The following CPM variants were observed in gnomAD, a reference collection of about 807,000 sequenced individuals.
CPM encodes the protein renal carboxypeptidase.
Under a neutral mutation model 46.4 loss-of-function variants are expected in CPM, and 35 were observed. The ratio of observed to expected loss-of-function variants is 0.75; its 90% CI spans 0.58 to 1.00. The LOEUF (loss-of-function observed/expected upper bound fraction) is 1.00. Among genes scored for constraint, CPM ranks in the 50% least tolerant of loss-of-function variants. The probability of loss-of-function intolerance (pLI) is 0.00; values close to 1 mark genes in which losing one functional copy is unlikely to be tolerated. For synonymous variants in CPM, 195 were observed against 195.3 expected (o/e 1.00, Z 0.01); for missense variants, 422 against 530.4 (o/e 0.80, Z 2.01).
At chr12:68,962,069 G>A (rs560587827) in intron 1 of CPM, among the ~76,000 whole-genome samples, 2 of 151,896 alleles carry the variant, frequency 1.3e-5, no homozygotes, top group Non-Finnish European at 2.9e-5. Flanking sequence ...GCACGGTGGT[G>A]GGCGCCTGTA....
upstream of CPM, among the ~76,000 whole-genome samples, chr12:68,934,310 A>G (rs557214407): frequency 6.6e-6 from 1 of 152,318 alleles, no homozygotes; most frequent in East Asian, 1.9e-4. Flanking sequence ...TTTCTCGTGG[A>G]GGCCCAAGAA....
chr12:68,870,648 T>G (rs371884126), intron 4 of CPM, among the ~76,000 whole-genome samples: 16 of 152,196 alleles, frequency 1.1e-4, no homozygotes, highest in African/African-American at 3.9e-4. Flanking sequence ...TTGATAAGTG[T>G]TTGTATTTGG....
intron 2 of CPM, among the ~76,000 whole-genome samples, chr12:68,917,329 TCTAA>T (rs2136300994): frequency 6.6e-6 from 1 of 152,368 alleles, no homozygotes; most frequent in South Asian, 2.1e-4. Flanking sequence ...AGGTGCCATG[TCTAA>T]CTTATTTACC....
chr12:68,928,167 G>A (rs925039125), intron 2 of CPM, among the ~76,000 whole-genome samples: 1 of 152,184 alleles, frequency 6.6e-6, no homozygotes, highest in Non-Finnish European at 1.5e-5. Flanking sequence ...TGGTACCAAA[G>A]CAGAGATATA....
intron 2 of CPM, among the ~76,000 whole-genome samples, chr12:68,897,753 A>G (rs983170345): frequency 4.6e-5 from 7 of 151,816 alleles, no homozygotes; most frequent in African/African-American, 1.7e-4. Flanking sequence ...AAAAAAAAAA[A>G]AAGGCACAAT....
rs572325684 is a variant in CPM, at chr12:68,895,592, T to C, written c.161-9703A>G. On this transcript the variant is annotated intron_variant, in intron 2 of 8. Coordinates refer to ENST00000551568, the MANE Select transcript of CPM (RefSeq NM_198320.5). Reference sequence around the variant, plus strand: ...TGACTTTCCCTCTAGTGAGTGTTCATTATACTTATTGCTGATACCTGTGCT... The same window carrying C: ...TGACTTTCCCTCTAGTGAGTGTTCACTATACTTATTGCTGATACCTGTGCT... 5.3e-5 allele frequency among the ~76,000 whole-genome samples: 8 copies of C among 152,332 alleles called. No homozygotes were observed. The South Asian group carries it at 1.7e-3, about 32-fold the overall frequency.
chr12:68,933,470 G>A (rs1888603379), upstream of CPM, among the ~76,000 whole-genome samples: 1 of 152,182 alleles, frequency 6.6e-6, no homozygotes, highest in Non-Finnish European at 1.5e-5. Flanking sequence ...CCTCGGCCAC[G>A]GCTGTAGCCT....
intron 2 of CPM, among the ~76,000 whole-genome samples, chr12:68,905,107 A>G (rs990115892): frequency 2.0e-5 from 3 of 151,970 alleles, no homozygotes; most frequent in African/African-American, 7.3e-5. Context: ...TGGGGGTTTC[A>G]CCATGTTGGC....
intron 2 of CPM, among the ~76,000 whole-genome samples, chr12:68,909,823 T>C (rs945527789): frequency 5.5e-4 from 17 of 31,070 alleles, no homozygotes; most frequent in South Asian, 2.7e-3. Context: ...CATCACACAC[T>C]GGGGCCTGTT....
chr12:68,961,939 G>C (rs573518255), intron 1 of CPM, among the ~76,000 whole-genome samples: 4 of 151,692 alleles, frequency 2.6e-5, no homozygotes, highest in Non-Finnish European at 5.9e-5. Context: ...GGTGGCTCAT[G>C]TCTGTAATCC....
chr12:68,905,672 T>C (rs1887314006), intron 2 of CPM, among the ~76,000 whole-genome samples: 1 of 152,144 alleles, frequency 6.6e-6, no homozygotes. Flanking sequence ...ATAGCCTTGT[T>C]TCTTGGTGAG....
chr12:68,847,368 ACT>A (rs2136198101), downstream of CPM: 1 of 146,470 alleles, frequency 6.8e-6, no homozygotes, highest in South Asian at 2.2e-4. Flanking sequence ...TATACACTCA[ACT>A]CTGAGGTATT....
chr12:68,880,374 G>A (rs1886137732), intron 3 of CPM, among the ~76,000 whole-genome samples: 2 of 152,270 alleles, frequency 1.3e-5, no homozygotes, highest in East Asian at 3.9e-4. Flanking sequence ...CAGCAGTCAA[G>A]GAGAGAGAAG....
At chr12:68,933,194 T>A (rs554972151), upstream of CPM, 4 of 152,448 alleles carry the variant, frequency 2.6e-5, no homozygotes, top group African/African-American at 7.4e-5. Context: ...CGGGGCCGGG[T>A]GTTATAGCCC....
At chr12:68,849,738 A>C (rs1884574604), downstream of CPM, 1 of 151,644 alleles carries the variant, frequency 6.6e-6, no homozygotes, top group Admixed American at 6.6e-5. Context: ...TCGGCCTCCC[A>C]AAGTGCTGGG....
chr12:68,847,440 T>C (rs1386795755), downstream of CPM: 2 of 125,404 alleles, frequency 1.6e-5, no homozygotes, highest in East Asian at 2.1e-4. Context: ...AACATCCTTT[T>C]GTATCTCCTT....
chr12:68,861,083 T>C (rs568551227), intron 7 of CPM, among the ~76,000 whole-genome samples: 6 of 152,064 alleles, frequency 3.9e-5, no homozygotes, highest in African/African-American at 9.7e-5. Flanking sequence ...GGTTTCGCCA[T>C]GTTGCACAGG....
upstream of CPM, among the ~76,000 whole-genome samples, chr12:68,963,467 T>C (rs945880353): frequency 6.6e-6 from 1 of 152,214 alleles, no homozygotes; most frequent in African/African-American, 2.4e-5. Flanking sequence ...AGTCTGCCTT[T>C]TGTGAGTTGA....
intron 7 of CPM, among the ~76,000 whole-genome samples, chr12:68,861,340 G>T (rs1885203402): frequency 6.6e-6 from 1 of 152,110 alleles, no homozygotes; most frequent in Admixed American, 6.5e-5. Context: ...CTTTTCCAGG[G>T]CTCTGAGCTA....
Sources: allele counts gnomAD v4.1 joint callset (sites outside exome capture counted in the v4.1 genomes callset), GRCh38; gene constraint gnomAD v4.1.1; transcripts MANE v1.5; gene names NCBI Gene and HGNC (gene_info 2026-07-23, HGNC 2026-07-21).